TADA3: variants seen among roughly 807,000 people sequenced by gnomAD.
TADA3 encodes the protein transcriptional adapter 3.
In TADA3, 25 loss-of-function variants were observed where a neutral mutation model predicts 43.2. The ratio of observed to expected loss-of-function variants is 0.58; its 90% CI spans 0.42 to 0.81. The LOEUF is 0.81. TADA3 is among the 30% of genes least tolerant of loss of function. The probability of loss-of-function intolerance (pLI) is 0.00; values close to 1 mark genes in which losing one functional copy is unlikely to be tolerated. For missense variants in TADA3, 441 were observed against 567.8 expected (o/e 0.78, Z 2.27); for synonymous variants, 235 against 225.5 (o/e 1.04, Z -0.38).
intron 8 of TADA3, 184 bp downstream of exon 8, chr3:9,783,844 T>C: frequency 9.1e-7 from 1 of 1,096,142 alleles, no homozygotes; most frequent in South Asian, 2.0e-5. Flanking sequence ...CCCCACTCTG[T>C]GGAATCAGAA....
chr3:9,783,257 CAAT>C (rs1157617293), intron 8 of TADA3: 1 of 150,996 alleles, frequency 6.6e-6, no homozygotes, highest in Non-Finnish European at 1.5e-5. Context: ...AATCACACAA[CAAT>C]GTGAATATGG....
intron 6 of TADA3, among the ~76,000 whole-genome samples, chr3:9,786,774 T>C (rs532619867): frequency 2.0e-5 from 3 of 152,212 alleles, no homozygotes; most frequent in Non-Finnish European, 2.9e-5. Flanking sequence ...AGGCTGGTAA[T>C]ACAAGCTCAT....
At chr3:9,784,392 C>T (rs1406488124) in intron 7 of TADA3, among the ~76,000 whole-genome samples, 179 bp from the exon 8 acceptor site, 1 of 152,076 alleles carries the variant, frequency 6.6e-6, no homozygotes, top group Non-Finnish European at 1.5e-5. Flanking sequence ...TTAAAACAAG[C>T]AACGTATGTA....
intron 8 of TADA3, chr3:9,781,406 G>A (rs894410735): frequency 2.3e-5 from 10 of 428,538 alleles, no homozygotes; most frequent in African/African-American, 8.1e-5. Flanking sequence ...TATGTTACCC[G>A]TGAGGAAAAT....
Position 9,784,126 on chromosome 3 carries a change from C to T in TADA3, c.1008G>A (p.Glu336=). 1 of 1,614,172 alleles carries T rather than the reference C, an allele frequency of 6.2e-7. No individual in the cohort carries two copies. Among genetic ancestry groups the T allele is most frequent in the South Asian group, 1.1e-5 (1 of 91,084 alleles). The part of the protein sequence containing the change: ...GLLESEDRPA[E]DSEDEVLAEL... ...CAGCAAGGACCTCATCCTCGGAGTC[C>T]TCTGCGGGGCGGTCCTCAGACTCCA... Residue 336 remains glutamate, a synonymous_variant, in exon 8 of 9, where the codon GAG becomes GAA. Coordinates refer to ENST00000301964, the MANE Select transcript of TADA3 (RefSeq NM_006354.5).
chr3:9,781,837 T>G (rs1425073895), intron 8 of TADA3, among the ~76,000 whole-genome samples: 11 of 90,416 alleles, frequency 1.2e-4, no homozygotes, highest in East Asian at 8.2e-4. Context: ...TTACTTCTTT[T>G]TTTTTTTTTT....
chr3:9,791,069 A>T (rs2078719108), intron 2 of TADA3, among the ~76,000 whole-genome samples, 191 bp downstream of exon 2: 1 of 152,232 alleles, frequency 6.6e-6, no homozygotes. Flanking sequence ...CTGAATTAGA[A>T]ATCTTGCAAT....
At chr3:9,781,264 G>A (rs1297692267) in intron 8 of TADA3, among the ~76,000 whole-genome samples, 2 of 152,062 alleles carry the variant, frequency 1.3e-5, no homozygotes, top group Non-Finnish European at 2.9e-5. Context: ...CGGCAACAGA[G>A]TAAGACCCTG....
chr3:9,787,178 G>GC, intron 5 of TADA3, 21 bp downstream of exon 5: 1 of 1,614,190 alleles, frequency 6.2e-7, no homozygotes. Flanking sequence ...CCTGGGGTTG[G>GC]CAGGGAGGTG....
intron 8 of TADA3, among the ~76,000 whole-genome samples, chr3:9,781,079 A>G (rs868225233): frequency 1.3e-5 from 2 of 152,062 alleles, no homozygotes; most frequent in Admixed American, 6.5e-5. Flanking sequence ...ACAGTGAACT[A>G]TGATCATGCC....
chr3:9,784,201 A>C lies in TADA3; in HGVS notation c.933T>G (p.Thr311=). 1 of 1,612,794 alleles carries C rather than the reference A, an allele frequency of 6.2e-7. No homozygotes were observed. Among genetic ancestry groups the C allele is most frequent in the Non-Finnish European group, 8.5e-7 (1 of 1,178,892 alleles). ...CCTTGATGCGGCTCTCCAGGGACTTAGTATGCGGCACACTGCAGCGGGAGG... is the reference window on the plus strand; with the variant it reads ...CCTTGATGCGGCTCTCCAGGGACTTCGTATGCGGCACACTGCAGCGGGAGG... ...NQNKPFSVPH[T]KSLESRIKEE... is the part of the protein sequence containing the mutation. The change falls in exon 8 of 9, where the codon ACT becomes ACG. Residue 311 remains threonine, a synonymous_variant. Coordinates refer to ENST00000301964, the MANE Select transcript of TADA3 (RefSeq NM_006354.5).
intron 1 of TADA3, 63 bp from the exon 2 acceptor site, chr3:9,791,556 A>C (rs1373777840): frequency 3.1e-6 from 3 of 974,280 alleles, no homozygotes; most frequent in Non-Finnish European, 4.5e-6. Flanking sequence ...AGGGCTTCTT[A>C]CCTCCAGGGA....
At chr3:9,792,968 A>C, upstream of TADA3, 14 of 1,420,840 alleles carry the variant, frequency 9.9e-6, no homozygotes, top group Non-Finnish European at 1.3e-5. Flanking sequence ...CGGAAGGCCC[A>C]AGCGTTCGTA....
chr3:9,788,603 G>A (rs563633187), intron 4 of TADA3, among the ~76,000 whole-genome samples: 16 of 151,438 alleles, frequency 1.1e-4, no homozygotes, highest in South Asian at 6.3e-4. Flanking sequence ...ACAGTGGCAC[G>A]ATCTTGGCTC....
At chr3:9,787,845 A>C in intron 4 of TADA3, 1 of 583,818 alleles carries the variant, frequency 1.7e-6, no homozygotes, top group South Asian at 1.6e-5. Context: ...GCTTTGGTGG[A>C]GGTAACATGA....
upstream of TADA3, chr3:9,792,679 AG>A: frequency 8.1e-7 from 1 of 1,233,138 alleles, no homozygotes; most frequent in African/African-American, 1.6e-5. Context: ...CGCTGCAGTT[AG>A]CCCCGCCGAG....
At position 9,787,260 on chromosome 3, in the gene TADA3, T is replaced by A; in HGVS notation, c.645A>T (p.Ala215=). ...CTTTCTTCTTGTCAGCCACAGCCGC[T>A]GCCCGGGCCCCATCCTTCTGCTCCT... ...LLEEQKDGAR[A]AAVADKKKGL... Residue 215 remains alanine, a synonymous_variant, in exon 5 of 9, where the codon GCA becomes GCT. Transcript: ENST00000301964. 1 of 1,614,208 alleles carries A rather than the reference T, an allele frequency of 6.2e-7. No individual in the cohort carries two copies. The highest frequency in any genetic ancestry group is 8.5e-7 in the Non-Finnish European group (1 of 1,180,034).
At chr3:9,783,858 G>A in intron 8 of TADA3, 170 bp downstream of exon 8, 1 of 1,207,300 alleles carries the variant, frequency 8.3e-7, no homozygotes, top group South Asian at 1.8e-5. Context: ...ATCAGAATTT[G>A]TTTGGGACAT....
chr3:9,780,109 C>T lies in TADA3; in HGVS notation c.*248G>A, dbSNP rs1014144028. The T allele has an allele frequency of 3.5e-5, 14 of 398,242 alleles. No homozygotes were observed. Among genetic ancestry groups the T allele is most frequent in the Non-Finnish European group, 5.4e-5 (12 of 223,084 alleles). The allele number at this position is 398,242 out of a possible 1,614,324, so 24.7% of individuals were successfully genotyped here. ...AGAGGGGAAGAGGAAGACCCAGAAA[C>T]GAAGTCCCCTCCAACCCCATCTCGG... On this transcript the variant is annotated 3_prime_UTR_variant, in exon 9 of 9. Coordinates refer to ENST00000301964, the MANE Select transcript of TADA3 (RefSeq NM_006354.5).
Sources: allele counts gnomAD v4.1 joint callset (sites outside exome capture counted in the v4.1 genomes callset), GRCh38; gene constraint gnomAD v4.1.1; transcripts MANE v1.5; gene names NCBI Gene and HGNC (gene_info 2026-07-23, HGNC 2026-07-21).